Variants in SDK1 observed in about 807,000 individuals in gnomAD.
SDK1 encodes the protein protein sidekick-1.
Under a neutral mutation model 245.5 loss-of-function variants are expected in SDK1, and 157 were observed. The ratio of observed to expected loss-of-function variants is 0.64; its 90% CI spans 0.56 to 0.73. The LOEUF (loss-of-function observed/expected upper bound fraction) is 0.73. SDK1 is among the 30% of genes least tolerant of loss of function. The pLI is 0.00. For missense variants in SDK1, 3,583 were observed against 3,002.3 expected, an observed-to-expected ratio of 1.19 and a Z score of -4.52; for synonymous variants, 1,647 against 1,278.5, an observed-to-expected ratio of 1.29 and a Z score of -6.15.
chr7:3,760,913 G>T (rs117963621), intron 4 of SDK1, among the ~76,000 whole-genome samples: 1,925 of 152,302 alleles, frequency 0.013, 24 homozygotes, highest in Middle Eastern at 0.027. Flanking sequence ...GTATTTCATT[G>T]TCTGGAATGT....
intron 5 of SDK1, among the ~76,000 whole-genome samples, chr7:3,908,180 A>C (rs1779024359): frequency 6.6e-6 from 1 of 152,214 alleles, no homozygotes; most frequent in African/African-American, 2.4e-5. Flanking sequence ...ACAGGAAAGC[A>C]CAGAATGGGC....
intron 4 of SDK1, among the ~76,000 whole-genome samples, chr7:3,673,172 A>C (rs1302368497): frequency 6.6e-6 from 1 of 152,120 alleles, no homozygotes; most frequent in Non-Finnish European, 1.5e-5. Context: ...AAGGGAATTG[A>C]TTTTTATCTG....
chr7:3,983,673 C>T (rs773923762), intron 13 of SDK1, among the ~76,000 whole-genome samples: 3 of 152,184 alleles, frequency 2.0e-5, no homozygotes. Context: ...TGAGACATGC[C>T]TCTCTATCAC....
intron 4 of SDK1, among the ~76,000 whole-genome samples, chr7:3,782,553 C>T (rs772326787): frequency 3.3e-5 from 5 of 152,108 alleles, no homozygotes; most frequent in African/African-American, 7.2e-5. Context: ...ACAAAAATTC[C>T]GAGAGCAGCA....
chr7:4,171,981 C>T (rs925811884), intron 32 of SDK1, among the ~76,000 whole-genome samples: 4 of 152,234 alleles, frequency 2.6e-5, no homozygotes, highest in Admixed American at 1.3e-4. Flanking sequence ...GGTTTGCTCA[C>T]TGGGGTCCGA....
chr7:4,011,246 G>A, intron 15 of SDK1, 133 bp downstream of exon 15: 2 of 1,150,752 alleles, frequency 1.7e-6, no homozygotes, highest in Non-Finnish European at 2.4e-6. Flanking sequence ...GACAAACCGT[G>A]AGCAGAAAAG....
chr7:3,750,610 C>T (rs979041374), intron 4 of SDK1, among the ~76,000 whole-genome samples: 3 of 152,152 alleles, frequency 2.0e-5, no homozygotes, highest in Admixed American at 6.5e-5. Context: ...GTGTGGGGGT[C>T]AGCGGATGGA....
chr7:3,650,209 C>G (rs1051881066), intron 4 of SDK1, among the ~76,000 whole-genome samples: 3 of 152,138 alleles, frequency 2.0e-5, no homozygotes, highest in Non-Finnish European at 2.9e-5. Context: ...GTCACCATCC[C>G]TGGCCTAAGA....
Position 3,686,600 on chromosome 7 carries a change from G to T in SDK1, c.713+44495G>T, listed in dbSNP as rs1784288739. On this transcript the variant is annotated intron_variant, in intron 4 of 44. Coordinates refer to ENST00000404826, the MANE Select transcript of SDK1 (RefSeq NM_152744.4). ...AGTTTTTCATAAATCTAAATATGCA[G>T]GTACTATATGCTGTGTTCTAAAATT... Among the ~76,000 whole-genome samples, 3 of 148,948 alleles carry T rather than the reference G, an allele frequency of 2.0e-5. No homozygotes were observed. The South Asian group carries it at 6.5e-4, about 32-fold the overall frequency.
At chr7:3,629,097 C>T (rs1238728105) in intron 2 of SDK1, among the ~76,000 whole-genome samples, 1 of 151,582 alleles carries the variant, frequency 6.6e-6, no homozygotes, top group East Asian at 2.0e-4. Flanking sequence ...TTGAGACCAT[C>T]CTGGCTAACA....
rs1788488695 is a variant in SDK1, at chr7:4,266,630, A to T, written c.*1246A>T. On this transcript the variant is annotated 3_prime_UTR_variant, in exon 45 of 45. Coordinates refer to ENST00000404826, the MANE Select transcript of SDK1 (RefSeq NM_152744.4). ...TTAAATTTTTCAGCTAGATGAAAAGAGTATGAACTACTTTGGAAAACTTAA... is the reference window on the plus strand; with the variant it reads ...TTAAATTTTTCAGCTAGATGAAAAGTGTATGAACTACTTTGGAAAACTTAA... 4 of 985,344 alleles carry T rather than the reference A, an allele frequency of 4.1e-6. No homozygotes were observed. The highest frequency in any genetic ancestry group is 9.4e-5 in the South Asian group (2 of 21,292). The allele number at this position is 985,344 out of a possible 1,614,324, so 61.0% of individuals were successfully genotyped here.
chr7:3,391,430 G>T (rs1781745724), intron 1 of SDK1, among the ~76,000 whole-genome samples: 1 of 151,726 alleles, frequency 6.6e-6, no homozygotes, highest in South Asian at 2.1e-4. Context: ...GAATAGAGTT[G>T]TTTCTGGAGG....
intron 2 of SDK1, among the ~76,000 whole-genome samples, chr7:3,637,384 A>G (rs1583255445): frequency 1.3e-5 from 2 of 152,250 alleles, no homozygotes; most frequent in African/African-American, 4.8e-5. Flanking sequence ...GGCAAGAGCC[A>G]CCACGTCTGG....
intron 1 of SDK1, among the ~76,000 whole-genome samples, chr7:3,508,923 G>C (rs936436967): frequency 1.3e-5 from 2 of 152,174 alleles, no homozygotes; most frequent in Non-Finnish European, 2.9e-5. Context: ...GCAGGATTTA[G>C]TTTGTTTTTC....
At chr7:3,738,324 C>G (rs1779379295) in intron 4 of SDK1, among the ~76,000 whole-genome samples, 1 of 152,172 alleles carries the variant, frequency 6.6e-6, no homozygotes. Context: ...ATTGAATGGT[C>G]TTGGCACCTT....
rs370690860 is a variant in SDK1, at chr7:3,964,123, G to GTA, written c.1429+1273_1429+1274dup. On this transcript the variant is annotated intron_variant, in intron 9 of 44. Coordinates refer to ENST00000404826, the MANE Select transcript of SDK1 (RefSeq NM_152744.4). The stretch of plus-strand genomic sequence containing the variant: ...TAGAACTTCCCAAAATTTGCTCCAT[G>GTA]TACTACACACAGAAAATGGTAGTAT... Among the ~76,000 whole-genome samples, 506 of 152,360 alleles carry GTA rather than the reference G, an allele frequency of 3.3e-3. 4 individuals carry two copies. Among genetic ancestry groups the GTA allele is most frequent in the African/African-American group, 0.012 (485 of 41,582 alleles).
At chr7:4,145,586 G>T (rs1350320115) in intron 28 of SDK1, 136 bp from the exon 29 acceptor site, 2 of 734,106 alleles carry the variant, frequency 2.7e-6, no homozygotes, top group Non-Finnish European at 4.4e-6. Context: ...CACCCTTTCA[G>T]TGCACAGGCA....
At chr7:3,974,097 T>C (rs1430979362) in intron 12 of SDK1, among the ~76,000 whole-genome samples, 2 of 149,888 alleles carry the variant, frequency 1.3e-5, no homozygotes, top group Admixed American at 6.7e-5. Flanking sequence ...GGCACAAGAA[T>C]TGCTTGAACC....
intron 1 of SDK1, among the ~76,000 whole-genome samples, chr7:3,588,257 T>G (rs1253025554): frequency 6.6e-6 from 1 of 152,236 alleles, no homozygotes; most frequent in Non-Finnish European, 1.5e-5. Flanking sequence ...AGCCTAGCTA[T>G]GAAATTTATA....
Sources: gnomAD v4.1 joint callset for allele counts (sites outside exome capture counted in the v4.1 genomes callset) on GRCh38, gnomAD v4.1.1 for gene constraint, MANE v1.5 for transcripts, NCBI Gene and HGNC (gene_info 2026-07-23, HGNC 2026-07-21) for gene names.